Variants in ACSL1 observed in about 807,000 individuals in gnomAD.
The protein encoded by ACSL1 is acyl-CoA synthetase long chain family member 1.
In ACSL1, 41 loss-of-function variants were observed where a neutral mutation model predicts 98.4. The ratio of observed to expected loss-of-function variants is 0.42; its 90% CI spans 0.32 to 0.54. The LOEUF is 0.54. Ranked by LOEUF, ACSL1 falls within the 20% of genes least tolerant of loss-of-function variation. The pLI, the probability that ACSL1 is intolerant of heterozygous loss-of-function variation, is 0.13. For synonymous variants in ACSL1, 316 were observed against 322.7 expected, an observed-to-expected ratio of 0.98 and a Z score of 0.22; for missense variants, 734 against 883.1, an observed-to-expected ratio of 0.83 and a Z score of 2.14.
intron 1 of ACSL1, chr4:184,808,471 T>C (rs1022983240): frequency 2.0e-6 from 2 of 985,328 alleles, no homozygotes; most frequent in South Asian, 4.7e-5. Flanking sequence ...GCCCCTGCAG[T>C]GGCAAATTAA....
At chr4:184,782,910 G>C (rs1053100578) in intron 4 of ACSL1, among the ~76,000 whole-genome samples, 2 of 152,160 alleles carry the variant, frequency 1.3e-5, no homozygotes, top group African/African-American at 4.8e-5. Context: ...TGCAGAGAAC[G>C]ATCCCTTCCA....
At chr4:184,821,244 G>A in intron 1 of ACSL1, 1 of 368,212 alleles carries the variant, frequency 2.7e-6, no homozygotes, top group Non-Finnish European at 5.5e-6. Flanking sequence ...CCCTGAAGGA[G>A]AAACTAGCTC....
At chr4:184,768,269 C>A in intron 12 of ACSL1, 47 bp downstream of exon 12, 2 of 1,568,816 alleles carry the variant, frequency 1.3e-6, no homozygotes, top group Non-Finnish European at 1.7e-6. Context: ...CAAGCCCCTG[C>A]GTCCAAGTCA....
chr4:184,795,522 C>G (rs753319595), intron 2 of ACSL1, among the ~76,000 whole-genome samples: 3 of 152,162 alleles, frequency 2.0e-5, no homozygotes, highest in Non-Finnish European at 4.4e-5. Flanking sequence ...TTAAATATAA[C>G]AATCAACCTC....
In ACSL1 at chr4:184,773,971, G is replaced by A; in HGVS notation, c.757-96C>T. 1.4e-6 allele frequency: 2 copies of A among 1,400,794 alleles called. No homozygotes were observed. Among genetic ancestry groups the A allele is most frequent in the Non-Finnish European group, 1.0e-6 (1 of 999,574 alleles). The allele number at this position is 1,400,794 out of a possible 1,614,324, so 86.8% of individuals were successfully genotyped here. On this transcript the variant is annotated intron_variant, in intron 7 of 20. Transcript: ENST00000281455. The surrounding 1 kb of genome is among the most constrained non-coding windows in gnomAD (Gnocchi z 4.3). ...TCACTTAAAGCTGGCTTTACTGTGG[G>A]GTTCATTCACACCTGGCTCGAAAAC... is the stretch of plus-strand genomic sequence containing the variant.
chr4:184,816,183 G>A (rs945748591), intron 1 of ACSL1, among the ~76,000 whole-genome samples: 1 of 151,968 alleles, frequency 6.6e-6, no homozygotes, highest in Non-Finnish European at 1.5e-5. Context: ...AGGTTCCCCA[G>A]GACTGGACGC....
intron 10 of ACSL1, among the ~76,000 whole-genome samples, 189 bp downstream of exon 10, chr4:184,772,892 T>C (rs1764715241): frequency 6.6e-6 from 1 of 152,142 alleles, no homozygotes. Flanking sequence ...AAGGCAAGGG[T>C]TGGCGATTAG....
chr4:184,801,412 C>G (rs1251354688), intron 2 of ACSL1, among the ~76,000 whole-genome samples: 1 of 152,166 alleles, frequency 6.6e-6, no homozygotes, highest in African/African-American at 2.4e-5. Flanking sequence ...TACTTGTTTT[C>G]AAAGTAGGAA....
chr4:184,771,948 T>C (rs935465274), intron 10 of ACSL1, among the ~76,000 whole-genome samples: 3 of 152,232 alleles, frequency 2.0e-5, no homozygotes, highest in Admixed American at 1.3e-4. Flanking sequence ...GTTATATTAA[T>C]ATAATGAGAA....
rs750048641 is a variant in ACSL1 at position 184,788,600 on chromosome 4, T to C, written c.310+17A>G. ...ACACGGCGAGCGGGAGCCACGCAAA[T>C]GCAGGAAAATGCTTACTTGACACCT... On this transcript the variant is annotated intron_variant, in intron 3 of 20. Coordinates refer to ENST00000281455, the MANE Select transcript of ACSL1 (RefSeq NM_001995.5). The C allele has an allele frequency of 6.3e-7, 1 of 1,597,712 alleles. No individual in the cohort carries two copies. Among genetic ancestry groups the C allele is most frequent in the Non-Finnish European group, 8.6e-7 (1 of 1,165,386 alleles).
chr4:184,769,614 G>A (rs1189017333), intron 11 of ACSL1, among the ~76,000 whole-genome samples: 2 of 152,226 alleles, frequency 1.3e-5, no homozygotes, highest in African/African-American at 4.8e-5. Flanking sequence ...ACAGATGGCA[G>A]ATGGGATCTA....
intron 1 of ACSL1, among the ~76,000 whole-genome samples, chr4:184,815,305 G>A (rs1371919453): frequency 1.3e-5 from 2 of 152,182 alleles, no homozygotes; most frequent in African/African-American, 2.4e-5. Context: ...GGAGCGGCAG[G>A]TGGGCTGGGG....
intron 2 of ACSL1, among the ~76,000 whole-genome samples, chr4:184,800,430 C>T (rs1043698565): frequency 1.3e-5 from 2 of 152,164 alleles, no homozygotes; most frequent in African/African-American, 4.8e-5. Flanking sequence ...CAGTGAAGAT[C>T]GTTTTCACTA....
At chr4:184,822,602 A>G (rs1773148250) in intron 1 of ACSL1, among the ~76,000 whole-genome samples, 1 of 152,072 alleles carries the variant, frequency 6.6e-6, no homozygotes, top group Non-Finnish European at 1.5e-5. Flanking sequence ...AGCTGGGCAT[A>G]GTGATGTGCG....
At chr4:184,769,352 T>G (rs1376742148) in intron 11 of ACSL1, among the ~76,000 whole-genome samples, 1 of 152,168 alleles carries the variant, frequency 6.6e-6, no homozygotes, top group African/African-American at 2.4e-5. Flanking sequence ...CCTGACAGTT[T>G]GCCTATTTTA....
At chr4:184,782,133 C>T (rs921365709) in intron 4 of ACSL1, among the ~76,000 whole-genome samples, 11 of 151,942 alleles carry the variant, frequency 7.2e-5, no homozygotes, top group African/African-American at 2.4e-4. Context: ...CCTTCACAGA[C>T]GAGTTCAAAA....
At chr4:184,768,972 G>A (rs1764066713) in intron 11 of ACSL1, among the ~76,000 whole-genome samples, 1 of 152,090 alleles carries the variant, frequency 6.6e-6, no homozygotes, top group Non-Finnish European at 1.5e-5. Context: ...AGGAGGCTGA[G>A]GCTGGAGAAT....
At chr4:184,813,493 C>G (rs1219601062) in intron 1 of ACSL1, 1 of 164,394 alleles carries the variant, frequency 6.1e-6, no homozygotes, top group East Asian at 1.7e-4. Flanking sequence ...GTAGACTAAA[C>G]TTCTCACTCA....
chr4:184,796,661 A>G (rs756233574), intron 2 of ACSL1, among the ~76,000 whole-genome samples: 5 of 152,226 alleles, frequency 3.3e-5, no homozygotes, highest in African/African-American at 1.2e-4. Context: ...CCAGATTTCC[A>G]TAAGGATGAA....
Sources: allele counts gnomAD v4.1 joint callset (sites outside exome capture counted in the v4.1 genomes callset), GRCh38; gene constraint gnomAD v4.1.1; non-coding constraint Gnocchi (gnomAD v3.1); transcripts MANE v1.5; gene names NCBI Gene and HGNC (gene_info 2026-07-23, HGNC 2026-07-21).